Variants in ALOX12 observed in about 807,000 individuals in gnomAD.
ALOX12 encodes polyunsaturated fatty acid lipoxygenase ALOX12.
In ALOX12, 62 loss-of-function variants were observed where a neutral mutation model predicts 85.5. The ratio of observed to expected loss-of-function variants is 0.73; its 90% CI spans 0.59 to 0.90. The LOEUF (loss-of-function observed/expected upper bound fraction) is 0.90, where lower values mean the gene tolerates loss of function less well. ALOX12 is among the 40% of genes least tolerant of loss of function. ALOX12 has a pLI of 0.00. For missense variants in ALOX12, 751 were observed against 856.5 expected, an observed-to-expected ratio of 0.88 and a Z score of 1.54; for synonymous variants, 299 against 332.7, an observed-to-expected ratio of 0.90 and a Z score of 1.10.
In ALOX12 at chr17:7,000,281, C is replaced by A; in HGVS notation, c.808-55C>A. On this transcript the variant is annotated intron_variant, in intron 6 of 13. Coordinates refer to ENST00000251535, the MANE Select transcript of ALOX12 (RefSeq NM_000697.3). This position sits in a 1 kb window ranked among gnomAD's most constrained non-coding sequence, Gnocchi z 4.6. ...CTAAATCTCTTGCCCTTTGCCCCGG[C>A]CCCCTGGGGGTAGACTTTGAACTCT... The A allele has an allele frequency of 6.3e-7, 1 of 1,597,978 alleles. No individual in the cohort carries two copies. The highest frequency in any genetic ancestry group is 8.6e-7 in the Non-Finnish European group (1 of 1,168,616).
chr17:6,998,371 A>G (rs900450644), intron 2 of ALOX12, 138 bp from the exon 3 acceptor site: 1 of 640,434 alleles, frequency 1.6e-6, no homozygotes, highest in Non-Finnish European at 2.8e-6. Flanking sequence ...TGGATAATCA[A>G]ATGAGGCAAA....
chr17:7,006,364 A>G (rs1909077631), intron 10 of ALOX12, 122 bp from the exon 11 acceptor site: 1 of 1,450,730 alleles, frequency 6.9e-7, no homozygotes, highest in South Asian at 1.3e-5. Context: ...AGGGCTGAGG[A>G]TGTCCCAAAG....
intron 9 of ALOX12, 131 bp downstream of exon 9, chr17:7,005,474 CTTTTTT>C (rs35201122): frequency 8.1e-4 from 181 of 223,024 alleles, no homozygotes; most frequent in East Asian, 9.7e-4. Flanking sequence ...ATACCCATGT[CTTTTTT>C]TTTTTTTTTT....
At chr17:6,996,391 C>T (rs893828123) in intron 1 of ALOX12, 139 bp downstream of exon 1, 26 of 1,054,912 alleles carry the variant, frequency 2.5e-5, no homozygotes, top group Non-Finnish European at 3.1e-5. Context: ...TTCCACGAAG[C>T]TGGGACGAGG....
At chr17:7,007,649 T>G (rs1430363711) in intron 11 of ALOX12, among the ~76,000 whole-genome samples, 1 of 152,124 alleles carries the variant, frequency 6.6e-6, no homozygotes, top group Non-Finnish European at 1.5e-5. Context: ...TTTGGGAGGC[T>G]GAGGTGGGTG....
chr17:6,997,504 A>C (rs1458260554), intron 2 of ALOX12, among the ~76,000 whole-genome samples: 3 of 151,964 alleles, frequency 2.0e-5, no homozygotes, highest in Admixed American at 1.3e-4. Flanking sequence ...GAAAGACAAG[A>C]AGCACACTGG....
At chr17:7,007,762 T>C (rs1221425151) in intron 11 of ALOX12, among the ~76,000 whole-genome samples, 3 of 152,072 alleles carry the variant, frequency 2.0e-5, no homozygotes, top group Admixed American at 2.0e-4. Flanking sequence ...GCACCTGTAA[T>C]CCCAGCTACT....
Position 7,009,999 on chromosome 17 carries a change from G to A in ALOX12, c.1685G>A (p.Arg562Gln), listed in dbSNP as rs776380897. 28 of 1,614,004 alleles carry A rather than the reference G, an allele frequency of 1.7e-5. No individual in the cohort carries two copies. The highest frequency in any genetic ancestry group is 1.6e-4 in the Middle Eastern group (1 of 6,084). Reference protein sequence around the residue: ...AWVPNAPCTMRMPPPTTKEDV... With the variant: ...AWVPNAPCTMQMPPPTTKEDV... The stretch of plus-strand genomic sequence containing the variant: ...GTCCCTAATGCTCCATGCACAATGC[G>A]GATGCCCCCACCCACCACCAAGGAA... Residue 562 changes from arginine to glutamine, a missense_variant, in exon 13 of 14, where the codon CGG (arginine) becomes CAG (glutamine). Arg to Gln is a conservative substitution (Grantham distance 43). Transcript: ENST00000251535.
At position 7,006,059 on chromosome 17, in the gene ALOX12, CCGGGGGGGGGG is replaced by C. The variant is rs1909041625; in HGVS notation, c.1418+33_1418+43del. On this transcript the variant is annotated intron_variant, in intron 10 of 13. Transcript: ENST00000251535. ...AAGGAGGAGCTGAGAAATGGTGGGG[CCGGGGGGGGGG>C]GGGGCTCTGGCCTGAGGCCAGCATG... 3.4e-4 allele frequency: 46 copies of C among 135,670 alleles called. 16 individuals carry two copies. Among genetic ancestry groups the C allele is most frequent in the Middle Eastern group, 2.1e-3 (1 of 466 alleles). The allele number at this position is 135,670 out of a possible 1,614,324, so 8.4% of individuals were successfully genotyped here. A position where few individuals can be genotyped will look rare whatever the true frequency, so the allele number is the denominator to read the frequency against.
intron 8 of ALOX12, among the ~76,000 whole-genome samples, chr17:7,002,967 C>T (rs1035613164): frequency 6.6e-6 from 1 of 152,114 alleles, no homozygotes; most frequent in African/African-American, 2.4e-5. Context: ...TCCACCAAGA[C>T]CCCCCAAGCC....
chr17:7,006,447 G>A (rs188345464), intron 10 of ALOX12, 39 bp from the exon 11 acceptor site: 12 of 1,611,626 alleles, frequency 7.4e-6, no homozygotes, highest in Middle Eastern at 1.7e-4. Flanking sequence ...GTCAGAGGCG[G>A]GGGCTTTCTG....
chr17:7,006,478 C>A lies in ALOX12; in HGVS notation c.1419-8C>A, dbSNP rs1260369522. On this transcript the variant is annotated splice_region_variant and splice_polypyrimidine_tract_variant and intron_variant, in intron 10 of 13. Transcript: ENST00000251535. ...TTCTGCCCTCAAGTGCCTTTTCCCC[C>A]TGGGCAGGTATGTGGAGGGGATCGT... The A allele has an allele frequency of 4.3e-6, 7 of 1,613,516 alleles. No homozygotes were observed. The South Asian group carries it at 5.5e-5, about 13-fold the overall frequency.
intron 11 of ALOX12, 134 bp from the exon 12 acceptor site, chr17:7,009,613 G>A (rs1909282417): frequency 5.1e-6 from 4 of 785,796 alleles, no homozygotes; most frequent in Admixed American, 2.3e-5. Flanking sequence ...GGACTTAAAC[G>A]CATGTCTGAT....
At chr17:7,009,422 C>A in intron 11 of ALOX12, 1 of 243,702 alleles carries the variant, frequency 4.1e-6, no homozygotes, top group Non-Finnish European at 8.1e-6. Context: ...AACTTTTCAG[C>A]CCCCAATCCT....
At chr17:7,007,666 G>A (rs530807614) in intron 11 of ALOX12, among the ~76,000 whole-genome samples, 10 of 152,166 alleles carry the variant, frequency 6.6e-5, no homozygotes, top group South Asian at 2.1e-4. Context: ...GGTGGATCAC[G>A]AGGTCAGGAG....
rs1908565652 is a variant in ALOX12, at chr17:6,998,719, G to A, written c.424G>A (p.Ala142Thr). The change falls in exon 4 of 14, where the codon GCC becomes ACC. Residue 142 changes from alanine to threonine, a missense_variant. Coordinates refer to ENST00000251535, the MANE Select transcript of ALOX12 (RefSeq NM_000697.3). ...AGCTTTGTCCCCAACTCCTAGCTGG[G>A]CCACCTGGAAGGAAGGGTTACCCCT... ...LKDRQQIYCWATWKEGLPLTI... is the reference protein window; with the variant it reads ...LKDRQQIYCWTTWKEGLPLTI... 1 of 1,613,898 alleles carries A rather than the reference G, an allele frequency of 6.2e-7. No homozygotes were observed. The highest frequency in any genetic ancestry group is 1.7e-5 in the Admixed American group (1 of 59,980).
At chr17:7,007,902 C>A (rs548755219) in intron 11 of ALOX12, among the ~76,000 whole-genome samples, 43 of 152,094 alleles carry the variant, frequency 2.8e-4, no homozygotes, top group Middle Eastern at 6.8e-3. Context: ...ATAAAAAAAA[C>A]CACACACCAT....
chr17:7,009,565 A>G (rs1909280279), intron 11 of ALOX12, 182 bp from the exon 12 acceptor site: 2 of 590,366 alleles, frequency 3.4e-6, no homozygotes, highest in Non-Finnish European at 6.0e-6. Flanking sequence ...AAATAGGTTA[A>G]GCTGGCCTAT....
chr17:6,996,371 G>C (rs1908438085), intron 1 of ALOX12, 119 bp downstream of exon 1: 3 of 1,111,432 alleles, frequency 2.7e-6, no homozygotes, highest in Admixed American at 8.7e-5. Context: ...GCGACCTCGC[G>C]GACTGGGACT....
Sources: gnomAD v4.1 joint callset for allele counts (sites outside exome capture counted in the v4.1 genomes callset) on GRCh38, gnomAD v4.1.1 for gene constraint, Gnocchi (gnomAD v3.1) non-coding constraint, MANE v1.5 for transcripts, NCBI Gene and HGNC (gene_info 2026-07-23, HGNC 2026-07-21) for gene names.